Variants in ROBO2 observed in about 807,000 individuals in gnomAD.
The protein encoded by ROBO2 is roundabout homolog 2.
ROBO2 carries 53 observed loss-of-function variants against 160.8 expected under a neutral mutation model. That is an observed-to-expected ratio of 0.33 (90% CI 0.26 to 0.41). The LOEUF (loss-of-function observed/expected upper bound fraction) is 0.41, where lower values mean the gene tolerates loss of function less well. Ranked by LOEUF, ROBO2 falls within the 10% of genes least tolerant of loss-of-function variation. The pLI is 1.00. For synonymous variants in ROBO2, 664 were observed against 611.7 expected, an observed-to-expected ratio of 1.09 and a Z score of -1.26; for missense variants, 1,577 against 1,722.4, an observed-to-expected ratio of 0.92 and a Z score of 1.49.
chr3:77,528,896 T>A (rs2091412621), intron 6 of ROBO2, among the ~76,000 whole-genome samples: 1 of 151,676 alleles, frequency 6.6e-6, no homozygotes, highest in Non-Finnish European at 1.5e-5. Context: ...TAAGCCTTAT[T>A]TTCTTGTATT....
At chr3:75,996,726 G>T (rs2065736902) in intron 2 of ROBO2, among the ~76,000 whole-genome samples, 1 of 72,250 alleles carries the variant, frequency 1.4e-5, no homozygotes, top group Non-Finnish European at 3.6e-5. Context: ...TATCTATTCT[G>T]ATATATGTAA....
rs115757183 is a variant in ROBO2, at chr3:77,368,354, G to A, written c.389-109060G>A. ...TATACATTTATATGTGCAAATGTAT[G>A]TATAATAGACTTAATACGTGCTTGT... On this transcript the variant is annotated intron_variant, in intron 2 of 25. Coordinates refer to ENST00000461745, the Ensembl canonical transcript of ROBO2. Among the ~76,000 whole-genome samples, 460 of 152,178 alleles carry A rather than the reference G, an allele frequency of 3.0e-3. 3 individuals are homozygous for A. The highest frequency in any genetic ancestry group is 6.0e-3 in the Admixed American group (92 of 15,280).
intron 2 of ROBO2, among the ~76,000 whole-genome samples, chr3:76,460,832 T>A (rs2078045275): frequency 6.6e-6 from 1 of 152,174 alleles, no homozygotes; most frequent in African/African-American, 2.4e-5. Context: ...TCTGGAATAA[T>A]CTGTGATGCA....
intron 2 of ROBO2, among the ~76,000 whole-genome samples, chr3:76,141,159 C>CTCTCTCTCTATATATA (rs1364431015): frequency 1.1e-4 from 1 of 9,174 alleles, no homozygotes; most frequent in Non-Finnish European, 1.8e-4. Context: ...CTCTCTCTCT[C>CTCTCTCTCTATATATA]TATATATATA....
At chr3:76,924,305 G>A (rs554590127) in intron 2 of ROBO2, among the ~76,000 whole-genome samples, 100 of 152,224 alleles carry the variant, frequency 6.6e-4, no homozygotes, top group East Asian at 5.8e-4. Context: ...ATGAGAACAC[G>A]GGGGCGGCAT....
At chr3:76,805,685 TG>T in intron 2 of ROBO2, among the ~76,000 whole-genome samples, 1 of 151,784 alleles carries the variant, frequency 6.6e-6, no homozygotes, top group Non-Finnish European at 1.5e-5. Context: ...TGTGTGTGTG[TG>T]TGTGTGTGTG....
chr3:76,925,653 A>G, intron 2 of ROBO2, among the ~76,000 whole-genome samples: 1 of 152,300 alleles, frequency 6.6e-6, no homozygotes, highest in East Asian at 1.9e-4. Context: ...TAAGTGCATG[A>G]TGCATAGAAG....
intron 2 of ROBO2, among the ~76,000 whole-genome samples, chr3:77,186,155 T>C (rs756410511): frequency 1.3e-5 from 2 of 151,594 alleles, no homozygotes; most frequent in Admixed American, 6.6e-5. Context: ...CCGAACACCA[T>C]CTCTTCCCAA....
chr3:76,122,775 T>C (rs1299035853), intron 2 of ROBO2, among the ~76,000 whole-genome samples: 1 of 152,206 alleles, frequency 6.6e-6, no homozygotes. Context: ...TGTAGCATGA[T>C]GGACATATAT....
At chr3:76,043,540 C>G (rs1389730779) in intron 2 of ROBO2, among the ~76,000 whole-genome samples, 1 of 146,966 alleles carries the variant, frequency 6.8e-6, no homozygotes, top group Non-Finnish European at 1.5e-5. Flanking sequence ...AACATTGACT[C>G]CAGCTCACTT....
intron 2 of ROBO2, among the ~76,000 whole-genome samples, chr3:77,251,795 G>T (rs568928472): frequency 1.2e-4 from 19 of 152,236 alleles, no homozygotes; most frequent in African/African-American, 3.9e-4. Context: ...CTCTCTGTCT[G>T]TCTGCCACCA....
intron 2 of ROBO2, chr3:77,317,056 G>A (rs1293395562): frequency 6.8e-7 from 1 of 1,473,568 alleles, no homozygotes; most frequent in Non-Finnish European, 9.5e-7. Flanking sequence ...GTCATTCACA[G>A]TAGTGTGAAG....
chr3:77,272,502 A>G (rs949858333), intron 2 of ROBO2, among the ~76,000 whole-genome samples: 2 of 152,100 alleles, frequency 1.3e-5, no homozygotes, highest in African/African-American at 2.4e-5. Flanking sequence ...ATACGCCCCC[A>G]TGTTGCAATC....
intron 2 of ROBO2, among the ~76,000 whole-genome samples, chr3:76,616,397 C>G (rs766375750): frequency 1.3e-5 from 2 of 152,180 alleles, no homozygotes; most frequent in Non-Finnish European, 2.9e-5. Context: ...TAGTTCAGTT[C>G]TGTCCAACAG....
chr3:76,254,735 C>T (rs201066655), intron 2 of ROBO2, among the ~76,000 whole-genome samples: 2 of 148,526 alleles, frequency 1.3e-5, no homozygotes, highest in Non-Finnish European at 3.0e-5. Context: ...TACTCTCTCT[C>T]AGAGAGAGAG....
At chr3:76,604,000 A>G (rs772987322) in intron 2 of ROBO2, among the ~76,000 whole-genome samples, 2 of 152,228 alleles carry the variant, frequency 1.3e-5, no homozygotes, top group Admixed American at 6.5e-5. Context: ...TTAGACATCA[A>G]TGATAGTCTG....
intron 2 of ROBO2, among the ~76,000 whole-genome samples, chr3:76,682,170 G>T (rs868598590): frequency 2.0e-5 from 3 of 152,066 alleles, no homozygotes; most frequent in African/African-American, 2.4e-5. Flanking sequence ...GGGGGTGGAC[G>T]TAGAGAAGGG....
At chr3:77,521,787 G>C (rs1188658552) in intron 5 of ROBO2, among the ~76,000 whole-genome samples, 1 of 151,224 alleles carries the variant, frequency 6.6e-6, no homozygotes, top group Non-Finnish European at 1.5e-5. Flanking sequence ...GAAGACATCT[G>C]GTTATGGCAG....
chr3:76,940,501 T>G (rs2078112549), intron 2 of ROBO2, among the ~76,000 whole-genome samples: 2 of 152,186 alleles, frequency 1.3e-5, no homozygotes, highest in Admixed American at 1.3e-4. Context: ...AATTACTGGA[T>G]GTTTTACCAA....
Sources: allele counts gnomAD v4.1 joint callset (sites outside exome capture counted in the v4.1 genomes callset), GRCh38; gene constraint gnomAD v4.1.1; transcripts MANE v1.5; gene names NCBI Gene and HGNC (gene_info 2026-07-23, HGNC 2026-07-21).